SGCZ: variants seen among roughly 807,000 people sequenced by gnomAD.
The protein encoded by SGCZ is sarcoglycan zeta.
In SGCZ, 40 loss-of-function variants were observed where a neutral mutation model predicts 41.3. That is an observed-to-expected ratio of 0.97 (90% confidence interval 0.75 to 1.26). The LOEUF is 1.26. SGCZ is among the 50% of genes most tolerant of loss of function. The probability of loss-of-function intolerance (pLI) is 0.00; values close to 1 mark genes in which losing one functional copy is unlikely to be tolerated. For missense variants in SGCZ, 552 were observed against 369.8 expected, an observed-to-expected ratio of 1.49 and a Z score of -4.04; for synonymous variants, 206 against 137.5, an observed-to-expected ratio of 1.50 and a Z score of -3.49.
At chr8:15,130,950 G>T (rs1387930677) in intron 1 of SGCZ, among the ~76,000 whole-genome samples, 3 of 152,052 alleles carry the variant, frequency 2.0e-5, no homozygotes, top group Non-Finnish European at 2.9e-5. Context: ...GTTGACCATT[G>T]TGCTAGATAC....
At chr8:14,264,139 T>C (rs1039508449) in intron 3 of SGCZ, among the ~76,000 whole-genome samples, 4 of 152,210 alleles carry the variant, frequency 2.6e-5, no homozygotes, top group African/African-American at 9.6e-5. Context: ...AAGGAGGCCA[T>C]AGCTGCCCTG....
intron 2 of SGCZ, among the ~76,000 whole-genome samples, chr8:14,478,444 C>G (rs1223693307): frequency 1.3e-5 from 2 of 152,180 alleles, no homozygotes; most frequent in East Asian, 1.9e-4. Context: ...ATGCTACATA[C>G]TGTATGATTC....
chr8:14,782,592 G>T (rs764794939), intron 1 of SGCZ, among the ~76,000 whole-genome samples: 3 of 152,228 alleles, frequency 2.0e-5, no homozygotes, highest in Non-Finnish European at 4.4e-5. Context: ...TTTCAATACT[G>T]ACAATCTGCT....
chr8:15,034,204 G>A (rs1341020490), intron 1 of SGCZ, among the ~76,000 whole-genome samples: 1 of 151,956 alleles, frequency 6.6e-6, no homozygotes, highest in East Asian at 1.9e-4. Context: ...AAAATACAAA[G>A]AAACAATTGA....
intron 2 of SGCZ, among the ~76,000 whole-genome samples, chr8:14,331,784 A>C (rs1802334983): frequency 6.6e-6 from 1 of 151,790 alleles, no homozygotes; most frequent in Non-Finnish European, 1.5e-5. Context: ...TATAATATTA[A>C]ATATTGTATT....
intron 1 of SGCZ, among the ~76,000 whole-genome samples, chr8:14,630,405 G>A (rs7823106): frequency 1.3e-5 from 2 of 151,690 alleles, no homozygotes; most frequent in Admixed American, 6.6e-5. Flanking sequence ...GAAATAGGAA[G>A]ATTTTTACAC....
In SGCZ at chr8:14,590,767, A is replaced by G. The variant is rs1044228799; in HGVS notation, c.40-35841T>C. Among the ~76,000 whole-genome samples, 12 of 148,076 alleles carry G rather than the reference A, an allele frequency of 8.1e-5. No individual in the cohort carries two copies. In the East Asian group the frequency reaches 2.3e-3, roughly 29 times the overall value. On this transcript the variant is annotated intron_variant, in intron 1 of 7. Transcript: ENST00000382080. ...ACTATATACTGTCATAGTATATACT[A>G]TATATAATATAGTATCTGTACTTTA...
At chr8:15,105,151 T>A (rs191407788) in intron 1 of SGCZ, among the ~76,000 whole-genome samples, 5 of 152,348 alleles carry the variant, frequency 3.3e-5, no homozygotes, top group Admixed American at 3.3e-4. Flanking sequence ...ATTACCTTTA[T>A]CCAAAAGTCT....
At chr8:15,155,836 C>A (rs1262874757) in intron 1 of SGCZ, among the ~76,000 whole-genome samples, 1 of 152,048 alleles carries the variant, frequency 6.6e-6, no homozygotes, top group East Asian at 1.9e-4. Context: ...GGCAGGTGGA[C>A]TGCCTGAGCT....
chr8:14,810,874 T>A (rs1801718094), intron 1 of SGCZ, among the ~76,000 whole-genome samples: 1 of 152,046 alleles, frequency 6.6e-6, no homozygotes, highest in Non-Finnish European at 1.5e-5. Context: ...TTTAAAAGTA[T>A]TTTGTGCATA....
intron 1 of SGCZ, among the ~76,000 whole-genome samples, chr8:15,001,967 C>T (rs935213549): frequency 6.6e-6 from 1 of 151,888 alleles, no homozygotes; most frequent in East Asian, 1.9e-4. Context: ...GAATAAAGAG[C>T]GAAGAAGATT....
intron 2 of SGCZ, among the ~76,000 whole-genome samples, chr8:14,375,101 G>T (rs1203747222): frequency 6.9e-6 from 1 of 144,878 alleles, no homozygotes; most frequent in Non-Finnish European, 1.5e-5. Context: ...GGGACAATCA[G>T]ATAGATAGAT....
At chr8:14,476,125 G>A (rs1280166456) in intron 2 of SGCZ, among the ~76,000 whole-genome samples, 2 of 152,092 alleles carry the variant, frequency 1.3e-5, no homozygotes, top group African/African-American at 4.8e-5. Flanking sequence ...AACTTGCCTG[G>A]GTTAAGGAAT....
At chr8:14,951,011 G>A (rs544430944) in intron 1 of SGCZ, among the ~76,000 whole-genome samples, 1 of 152,026 alleles carries the variant, frequency 6.6e-6, no homozygotes, top group African/African-American at 2.4e-5. Context: ...ATAGATAAAT[G>A]AGTAGTGCTT....
chr8:14,952,979 T>A (rs564559349), intron 1 of SGCZ, among the ~76,000 whole-genome samples: 1 of 152,196 alleles, frequency 6.6e-6, no homozygotes, highest in East Asian at 1.9e-4. Flanking sequence ...TCGGGTGGGT[T>A]GGTGGATTTT....
intron 2 of SGCZ, among the ~76,000 whole-genome samples, chr8:14,450,637 A>C (rs762842890): frequency 3.3e-5 from 5 of 152,196 alleles, no homozygotes; most frequent in Non-Finnish European, 5.9e-5. Context: ...AAAAAGTATG[A>C]GGATGTGTGC....
At chr8:14,775,023 C>T (rs1800358596) in intron 1 of SGCZ, among the ~76,000 whole-genome samples, 1 of 152,022 alleles carries the variant, frequency 6.6e-6, no homozygotes, top group African/African-American at 2.4e-5. Flanking sequence ...AATATTCAAG[C>T]ACATAAACAA....
intron 1 of SGCZ, among the ~76,000 whole-genome samples, chr8:14,934,566 T>G (rs1563374127): frequency 6.6e-6 from 1 of 151,472 alleles, no homozygotes; most frequent in Non-Finnish European, 1.5e-5. Context: ...TTCAGAGAGA[T>G]AAAGAATAGA....
chr8:14,320,359 G>A (rs1331254935), intron 3 of SGCZ, among the ~76,000 whole-genome samples: 1 of 151,746 alleles, frequency 6.6e-6, no homozygotes, highest in Non-Finnish European at 1.5e-5. Context: ...AAAGAGGTAA[G>A]GAGATTAGCA....
Sources: gnomAD v4.1 joint callset for allele counts (sites outside exome capture counted in the v4.1 genomes callset) on GRCh38, gnomAD v4.1.1 for gene constraint, MANE v1.5 for transcripts, NCBI Gene and HGNC (gene_info 2026-07-23, HGNC 2026-07-21) for gene names.